Variants in OPRM1 observed in about 807,000 individuals in gnomAD.
The protein encoded by OPRM1 is opioid receptor mu 1.
A neutral mutation model predicts 31.8 loss-of-function variants in OPRM1; 27 were observed. That is an observed-to-expected ratio of 0.85 (90% CI 0.63 to 1.17). OPRM1 has a LOEUF of 1.17. OPRM1 is among the 50% of genes most tolerant of loss of function. The pLI is 0.00. For synonymous variants in OPRM1, 196 were observed against 189.9 expected (o/e 1.03, Z -0.26); for missense variants, 536 against 511.1 (o/e 1.05, Z -0.47).
intron 1 of OPRM1, among the ~76,000 whole-genome samples, chr6:154,070,054 G>T (rs1786322842): frequency 6.6e-6 from 1 of 152,126 alleles, no homozygotes; most frequent in Non-Finnish European, 1.5e-5. Context: ...GGAGGTGAGG[G>T]GGTACAACAA....
intron 3 of OPRM1, among the ~76,000 whole-genome samples, chr6:154,184,172 T>C (rs372567628): frequency 6.6e-6 from 1 of 151,842 alleles, no homozygotes; most frequent in African/African-American, 2.4e-5. Context: ...ACTTCAAATG[T>C]TGAGTTACAC....
chr6:154,177,124 T>C (rs1468901137), intron 3 of OPRM1, among the ~76,000 whole-genome samples: 2 of 152,146 alleles, frequency 1.3e-5, no homozygotes, highest in South Asian at 2.1e-4. Flanking sequence ...TTACACCTTA[T>C]ACAAAAATTA....
chr6:154,068,042 C>G (rs1785831412), intron 1 of OPRM1, among the ~76,000 whole-genome samples: 1 of 152,076 alleles, frequency 6.6e-6, no homozygotes, highest in East Asian at 1.9e-4. Flanking sequence ...TCCTTTCAAC[C>G]TGCAAGACTC....
rs557538857 is a variant in OPRM1 at position 154,172,618 on chromosome 6, G to A, written c.1165-74075G>A. Among the ~76,000 whole-genome samples, 277 of 152,314 alleles carry A rather than the reference G, an allele frequency of 1.8e-3. 1 individual carries two copies. The highest frequency in any genetic ancestry group is 6.3e-3 in the African/African-American group (263 of 41,578). On this transcript the variant is annotated intron_variant, in intron 3 of 3. Coordinates refer to the OPRM1 transcript ENST00000337049. The stretch of plus-strand genomic sequence containing the variant: ...ATCCACCATTGCTGAGGCTTGAGTA[G>A]GTGGTTCTATGCTCACAGTGTAAAC...
intron 3 of OPRM1, among the ~76,000 whole-genome samples, chr6:154,219,586 A>G (rs374279409): frequency 6.6e-6 from 1 of 152,142 alleles, no homozygotes; most frequent in Non-Finnish European, 1.5e-5. Context: ...TCCACATCCC[A>G]CTTACACAGC....
At chr6:154,156,959 ACTTC>A (rs1035945985) in intron 3 of OPRM1, 1 of 152,268 alleles carries the variant, frequency 6.6e-6, no homozygotes, top group African/African-American at 2.4e-5. Flanking sequence ...GAGATTCTCC[ACTTC>A]CTTCCTGAGC....
At chr6:154,113,557 T>C (rs1341406947) in intron 3 of OPRM1, among the ~76,000 whole-genome samples, 2 of 152,148 alleles carry the variant, frequency 1.3e-5, no homozygotes, top group Non-Finnish European at 2.9e-5. Flanking sequence ...CAGCCCTCCA[T>C]AGCATGACTC....
At chr6:154,167,869 G>C (rs374571338) in intron 3 of OPRM1, 60 of 1,376,756 alleles carry the variant, frequency 4.4e-5, no homozygotes, top group Non-Finnish European at 5.5e-5. Context: ...AGAACCAGCC[G>C]TTCCTTGCCC....
chr6:154,116,980 T>TAATGGAACCCAG (rs1391743608), intron 3 of OPRM1, among the ~76,000 whole-genome samples: 1 of 152,190 alleles, frequency 6.6e-6, no homozygotes, highest in Non-Finnish European at 1.5e-5. Flanking sequence ...CTTTCCTCCC[T>TAATGGAACCCAG]AATGGAACCC....
chr6:154,182,998 G>A (rs1446189777), intron 3 of OPRM1, among the ~76,000 whole-genome samples: 2 of 145,878 alleles, frequency 1.4e-5, no homozygotes, highest in African/African-American at 5.1e-5. Flanking sequence ...CTTTTTTTTT[G>A]AGACGGACTC....
chr6:154,135,141 T>C (rs1372291836), downstream of OPRM1, among the ~76,000 whole-genome samples: 1 of 152,192 alleles, frequency 6.6e-6, no homozygotes, highest in African/African-American at 2.4e-5. Context: ...AACAGATATC[T>C]TCCCTTATTA....
chr6:154,059,294 C>T (rs999520506), intron 1 of OPRM1, among the ~76,000 whole-genome samples: 8 of 152,156 alleles, frequency 5.3e-5, no homozygotes, highest in East Asian at 1.9e-4. Context: ...ATTGAGTCAG[C>T]CTTTTAACCT....
intron 3 of OPRM1, among the ~76,000 whole-genome samples, chr6:154,207,422 G>C (rs1034574265): frequency 6.6e-6 from 1 of 152,098 alleles, no homozygotes; most frequent in Non-Finnish European, 1.5e-5. Flanking sequence ...TCCACTTGCA[G>C]TTCTGTTCTT....
chr6:154,095,805 GTAGAC>G (rs1340749129), intron 3 of OPRM1, among the ~76,000 whole-genome samples: 2 of 152,098 alleles, frequency 1.3e-5, no homozygotes, highest in East Asian at 3.9e-4. Context: ...TCTTTATTAG[GTAGAC>G]TAAGGCATAG....
At chr6:154,025,131 G>T (rs2128384285) in intron 1 of OPRM1, among the ~76,000 whole-genome samples, 1 of 152,114 alleles carries the variant, frequency 6.6e-6, no homozygotes, top group South Asian at 2.1e-4. Flanking sequence ...GAAGTCTCCA[G>T]CTATTATTGT....
rs559136433 is a variant in OPRM1 at position 154,160,323 on chromosome 6, A to G, written c.1164+68851A>G. On this transcript the variant is annotated intron_variant, in intron 3 of 3. Transcript: ENST00000337049. ...TTCCCTGATCAATCCATTATTCCAC[A>G]CCACAGTAACAATTCTACCTTGGTG... 3.9e-5 allele frequency among the ~76,000 whole-genome samples: 6 copies of G among 152,266 alleles called. No individual in the cohort carries two copies. The East Asian group carries it at 1.2e-3, about 29-fold the overall frequency.
rs566765888 is a variant in OPRM1, at chr6:154,123,574, G to A, written c.*4853G>A. ...AAAGAATGGCTACTCCATAGGCAGCGTAGCCCCAAGGGCTGCTGGTTGGCT... is the reference window on the plus strand; with the variant it reads ...AAAGAATGGCTACTCCATAGGCAGCATAGCCCCAAGGGCTGCTGGTTGGCT... On this transcript the variant is annotated 3_prime_UTR_variant, in exon 4 of 4. Transcript: ENST00000330432. 2.6e-5 allele frequency among the ~76,000 whole-genome samples: 4 copies of A among 152,318 alleles called. No homozygotes were observed. In the East Asian group the frequency reaches 5.8e-4, roughly 22 times the overall value.
At chr6:154,204,639 G>A (rs1247868398) in intron 3 of OPRM1, among the ~76,000 whole-genome samples, 1 of 152,112 alleles carries the variant, frequency 6.6e-6, no homozygotes, top group Admixed American at 6.5e-5. Flanking sequence ...TCATCACTGT[G>A]ATCCTTAGTA....
chr6:154,198,631 T>TACACACACACACACAC (rs3070838), intron 3 of OPRM1, among the ~76,000 whole-genome samples: 50 of 146,800 alleles, frequency 3.4e-4, no homozygotes, highest in Admixed American at 7.6e-4. Flanking sequence ...AAATATTACA[T>TACACACACACACACAC]ACACACACAC....
Sources: allele counts gnomAD v4.1 joint callset (sites outside exome capture counted in the v4.1 genomes callset), GRCh38; gene constraint gnomAD v4.1.1; transcripts MANE v1.5; gene names NCBI Gene and HGNC (gene_info 2026-07-23, HGNC 2026-07-21).